The following MAF variants were observed in gnomAD, a reference collection of about 807,000 sequenced individuals.
MAF encodes transcription factor Maf.
A neutral mutation model predicts 22.0 loss-of-function variants in MAF; 10 were observed. The observed-to-expected ratio is 0.45, with a 90% CI of 0.28 to 0.77. MAF has a LOEUF of 0.77. Ranked by LOEUF, MAF falls within the 30% of genes least tolerant of loss-of-function variation. The pLI, the probability that MAF is intolerant of heterozygous loss-of-function variation, is 0.12. For synonymous variants in MAF, 337 were observed against 255.8 expected (o/e 1.32, Z -3.03); for missense variants, 544 against 548.4 (o/e 0.99, Z 0.08).
the MAF span, among the ~76,000 whole-genome samples, chr16:79,245,506 G>C: frequency 6.6e-6 from 1 of 152,080 alleles, no homozygotes; most frequent in South Asian, 2.1e-4. Flanking sequence ...ACCACAATGA[G>C]ATACCATCTC....
the MAF span, among the ~76,000 whole-genome samples, chr16:79,479,239 A>T: frequency 6.6e-6 from 1 of 152,134 alleles, no homozygotes. Context: ...ACCCCAGCCT[A>T]CCTGTGTCAT....
the MAF span, among the ~76,000 whole-genome samples, chr16:79,545,073 G>C: frequency 3.3e-5 from 5 of 152,224 alleles, no homozygotes; most frequent in African/African-American, 1.2e-4. Context: ...AAGACACTCA[G>C]CATGCATTTC....
chr16:79,591,073 A>G (rs773573158), downstream of MAF, among the ~76,000 whole-genome samples: 1 of 151,898 alleles, frequency 6.6e-6, no homozygotes, highest in African/African-American at 2.4e-5. Context: ...AAGGAGAGTG[A>G]TTTTCTCTCC....
At chr16:79,517,726 C>T in the MAF span, among the ~76,000 whole-genome samples, 2 of 152,100 alleles carry the variant, frequency 1.3e-5, no homozygotes, top group Non-Finnish European at 2.9e-5. Flanking sequence ...AGGCACCCGC[C>T]ATCATGCCCG....
At chr16:79,425,536 G>C in the MAF span, among the ~76,000 whole-genome samples, 45 of 152,128 alleles carry the variant, frequency 3.0e-4, no homozygotes, top group Non-Finnish European at 5.3e-4. Flanking sequence ...TTTCTCACTC[G>C]AGTTTAAAAC....
chr16:79,277,220 A>G, the MAF span, among the ~76,000 whole-genome samples: 2 of 152,204 alleles, frequency 1.3e-5, no homozygotes, highest in African/African-American at 4.8e-5. Context: ...AGTTCGGTGT[A>G]ACCTCATCTT....
the MAF span, among the ~76,000 whole-genome samples, chr16:79,532,390 C>T: frequency 1.3e-5 from 2 of 152,098 alleles, no homozygotes; most frequent in Non-Finnish European, 2.9e-5. Context: ...ATGAGTTTCA[C>T]TACATAAAAG....
At chr16:79,404,268 A>G in the MAF span, among the ~76,000 whole-genome samples, 438 of 150,980 alleles carry the variant, frequency 2.9e-3, 3 homozygotes, top group Middle Eastern at 0.01. Flanking sequence ...GGTTCAAGCA[A>G]TTCTCCTGCC....
chr16:79,599,205 C>T lies in MAF; in HGVS notation c.698G>A (p.Gly233Asp). ...CCCCGCCGCGCCCCCGCCGCCTCCGCCGCCGCCGCCGCCGCCGCCGCCCCC... is the reference window on the plus strand; with the variant it reads ...CCCCGCCGCGCCCCCGCCGCCTCCGTCGCCGCCGCCGCCGCCGCCGCCCCC... ...SAGGGGGGGG[G>D]GGGGGAAGAG... is the part of the protein sequence containing the mutation. Residue 233 changes from glycine (G) to aspartate (D), a missense_variant, in exon 1 of 2, where the codon GGC (glycine) becomes GAC (aspartate). Coordinates refer to ENST00000326043, the MANE Select transcript of MAF (RefSeq NM_005360.5). 4 of 973,044 alleles carry T rather than the reference C, an allele frequency of 4.1e-6. No individual in the cohort carries two copies. Among genetic ancestry groups the T allele is most frequent in the Non-Finnish European group, 3.6e-6 (3 of 823,520 alleles). 60.3% of individuals were successfully genotyped at this position (973,044 alleles called of 1,614,324 possible). A position where few individuals can be genotyped will look rare whatever the true frequency, so the allele number is the denominator to read the frequency against.
the MAF span, among the ~76,000 whole-genome samples, chr16:79,535,245 T>C: frequency 6.6e-6 from 1 of 152,094 alleles, no homozygotes; most frequent in Non-Finnish European, 1.5e-5. Context: ...CTTTTCACAC[T>C]GTAGAGTTAC....
the MAF span, among the ~76,000 whole-genome samples, chr16:79,353,827 T>C: frequency 6.6e-6 from 1 of 152,212 alleles, no homozygotes; most frequent in Admixed American, 6.5e-5. Context: ...CAAAGTCTTA[T>C]TTAGTGTCTT....
At chr16:79,449,131 T>A in the MAF span, among the ~76,000 whole-genome samples, 6 of 152,292 alleles carry the variant, frequency 3.9e-5, no homozygotes, top group East Asian at 1.2e-3. Context: ...CATGCACAGT[T>A]CACAATAGGG....
At chr16:79,404,235 C>T in the MAF span, among the ~76,000 whole-genome samples, 2 of 148,820 alleles carry the variant, frequency 1.3e-5, no homozygotes, top group South Asian at 2.1e-4. Flanking sequence ...ACAATCTCGG[C>T]TCACTGCAAC....
chr16:79,377,978 T>C, the MAF span, among the ~76,000 whole-genome samples: 2 of 152,224 alleles, frequency 1.3e-5, no homozygotes, highest in Non-Finnish European at 2.9e-5. Context: ...TCCAGCTTTG[T>C]TCTTTTGGCT....
At chr16:79,556,242 T>C in the MAF span, among the ~76,000 whole-genome samples, 1 of 152,222 alleles carries the variant, frequency 6.6e-6, no homozygotes, top group Non-Finnish European at 1.5e-5. Context: ...AAATACCACT[T>C]ACTTCCTCAT....
the MAF span, among the ~76,000 whole-genome samples, chr16:79,319,252 G>C: frequency 9.9e-5 from 15 of 152,214 alleles, no homozygotes; most frequent in South Asian, 4.2e-4. Context: ...CTAAGCCCTC[G>C]AGAAAGAAAC....
the MAF span, among the ~76,000 whole-genome samples, chr16:79,394,608 C>T: frequency 6.6e-6 from 1 of 152,124 alleles, no homozygotes; most frequent in Non-Finnish European, 1.5e-5. Context: ...GGGTCAATAT[C>T]AGTACTTCCT....
At chr16:79,384,514 T>C in the MAF span, among the ~76,000 whole-genome samples, 1 of 149,714 alleles carries the variant, frequency 6.7e-6, no homozygotes, top group Non-Finnish European at 1.5e-5. Context: ...TCCCAGCACT[T>C]TGGGAGGCCG....
At chr16:79,474,704 A>AT in the MAF span, among the ~76,000 whole-genome samples, 2 of 151,924 alleles carry the variant, frequency 1.3e-5, no homozygotes, top group Non-Finnish European at 2.9e-5. Context: ...TTGAATATTT[A>AT]TTTTTTGCTG....
Sources: allele counts gnomAD v4.1 joint callset (sites outside exome capture counted in the v4.1 genomes callset), GRCh38; gene constraint gnomAD v4.1.1; transcripts MANE v1.5; gene names NCBI Gene and HGNC (gene_info 2026-07-23, HGNC 2026-07-21).